PAWR: variants seen among roughly 807,000 people sequenced by gnomAD.
PAWR encodes pro-apoptotic WT1 regulator, also known as PRKC apoptosis WT1 regulator protein.
A neutral mutation model predicts 32.0 loss-of-function variants in PAWR; 23 were observed. The ratio of observed to expected loss-of-function variants is 0.72; its 90% confidence interval spans 0.52 to 1.02. The LOEUF is 1.02. Ranked by LOEUF, PAWR falls within the 50% of genes least tolerant of loss-of-function variation. The pLI is 0.00. For synonymous variants in PAWR, 226 were observed against 187.1 expected, an observed-to-expected ratio of 1.21 and a Z score of -1.70; for missense variants, 457 against 437.7, an observed-to-expected ratio of 1.04 and a Z score of -0.39.
intron 2 of PAWR, among the ~76,000 whole-genome samples, chr12:79,662,201 CAAA>C (rs57565065): frequency 1.1e-3 from 48 of 45,710 alleles, no homozygotes; most frequent in South Asian, 5.8e-3. Context: ...AGACATCTCT[CAAA>C]AAAAAAAAAA....
chr12:79,663,988 T>C (rs1877474523), intron 2 of PAWR, among the ~76,000 whole-genome samples: 2 of 152,132 alleles, frequency 1.3e-5, no homozygotes, highest in Non-Finnish European at 2.9e-5. Flanking sequence ...GGAAAAGTAC[T>C]GAGTATTGGC....
chr12:79,666,559 G>A lies in PAWR; in HGVS notation c.516+23170C>T, dbSNP rs188822813. 3.0e-4 allele frequency among the ~76,000 whole-genome samples: 46 copies of A among 152,282 alleles called. 1 individual carries two copies. The highest frequency in any genetic ancestry group is 4.4e-5 in the Non-Finnish European group (3 of 68,020). On this transcript the variant is annotated intron_variant, in intron 2 of 6. Coordinates refer to ENST00000328827, the MANE Select transcript of PAWR (RefSeq NM_002583.4). ...ATGAGTGTACACAAAGTTTCCAACG[G>A]TTACATGATATGTAATATTACAACA...
chr12:79,648,152 T>C (rs73136670), intron 2 of PAWR, among the ~76,000 whole-genome samples: 6 of 152,304 alleles, frequency 3.9e-5, no homozygotes, highest in Non-Finnish European at 8.8e-5. Flanking sequence ...GCGACCCCTG[T>C]TCTAACATTC....
At chr12:79,644,183 A>G (rs1202928409) in intron 2 of PAWR, among the ~76,000 whole-genome samples, 2 of 152,182 alleles carry the variant, frequency 1.3e-5, no homozygotes, top group Non-Finnish European at 2.9e-5. Context: ...TTTATTTTAA[A>G]AGGACCCAAA....
chr12:79,667,213 TTAA>T (rs1877652396), intron 2 of PAWR, among the ~76,000 whole-genome samples: 1 of 152,236 alleles, frequency 6.6e-6, no homozygotes, highest in Non-Finnish European at 1.5e-5. Flanking sequence ...GTCTCAGATA[TTAA>T]TATTTTGAGT....
intron 4 of PAWR, among the ~76,000 whole-genome samples, chr12:79,611,930 G>T (rs1308671273): frequency 6.6e-6 from 1 of 152,006 alleles, no homozygotes; most frequent in Non-Finnish European, 1.5e-5. Flanking sequence ...TCTAATTAAA[G>T]AACACAAATT....
chr12:79,690,835 G>C (rs1878986460), intron 1 of PAWR, 37 bp downstream of exon 1: 1 of 152,262 alleles, frequency 6.6e-6, no homozygotes, highest in South Asian at 2.1e-4. Context: ...CTGTCCCGCC[G>C]AGCGTGGAAA....
intron 4 of PAWR, among the ~76,000 whole-genome samples, chr12:79,610,693 A>C (rs1045950265): frequency 6.6e-6 from 1 of 151,286 alleles, no homozygotes; most frequent in African/African-American, 2.4e-5. Context: ...TGGGAGGCAG[A>C]GTTGGGAGGA....
At position 79,689,865 on chromosome 12, in the gene PAWR, T is replaced by A. The variant is rs780694800; in HGVS notation, c.380A>T (p.Glu127Val). ...CTCTGGGACGCCGTCCGGCTCCTCC[T>A]CGTCACGCTGGGGCGGCGGTGCAGC... ...ASAAPPPQRD[E>V]EEPDGVPEKG... is the part of the protein sequence containing the mutation. The change falls in exon 2 of 7, where the codon GAG (glutamate) becomes GTG (valine). Residue 127 changes from glutamate (E) to valine (V), a missense_variant. Physicochemically the swap from Glu to Val is moderately radical, Grantham distance 121. Transcript: ENST00000328827. 6.4e-7 allele frequency: 1 copy of A among 1,572,610 alleles called. No homozygotes were observed. The highest frequency in any genetic ancestry group is 1.8e-5 in the Admixed American group (1 of 55,538).
At chr12:79,619,688 C>T (rs1460225878) in intron 3 of PAWR, among the ~76,000 whole-genome samples, 1 of 152,116 alleles carries the variant, frequency 6.6e-6, no homozygotes, top group Non-Finnish European at 1.5e-5. Context: ...TTAAAAGTTT[C>T]AAAGACTACG....
At chr12:79,650,294 T>C (rs979503204) in intron 2 of PAWR, among the ~76,000 whole-genome samples, 4 of 152,102 alleles carry the variant, frequency 2.6e-5, no homozygotes, top group Non-Finnish European at 4.4e-5. Flanking sequence ...TCTTGCAATA[T>C]CTGCTGAGCT....
intron 2 of PAWR, among the ~76,000 whole-genome samples, chr12:79,630,315 A>ATT (rs60905491): frequency 4.0e-5 from 6 of 150,922 alleles, no homozygotes; most frequent in Admixed American, 6.6e-5. Flanking sequence ...ATATATATAT[A>ATT]TTTTTTTTGA....
At position 79,626,637 on chromosome 12, in the gene PAWR, G is replaced by C. The variant is rs540395499; in HGVS notation, c.517-5430C>G. On this transcript the variant is annotated intron_variant, in intron 2 of 6. Coordinates refer to ENST00000328827, the MANE Select transcript of PAWR (RefSeq NM_002583.4). ...TAAGTTTTAGGGTACATGTGCACAAGGTGCAGGTTTGTTACATATATATAC... is the reference window on the plus strand; with the variant it reads ...TAAGTTTTAGGGTACATGTGCACAACGTGCAGGTTTGTTACATATATATAC... 2.5e-4 allele frequency among the ~76,000 whole-genome samples: 38 copies of C among 150,920 alleles called. 1 individual carries two copies. The highest frequency in any genetic ancestry group is 8.8e-4 in the African/African-American group (36 of 41,000).
intron 4 of PAWR, among the ~76,000 whole-genome samples, chr12:79,606,483 A>T (rs1592495883): frequency 6.6e-6 from 1 of 152,204 alleles, no homozygotes; most frequent in Admixed American, 6.5e-5. Flanking sequence ...GAAACTCTAG[A>T]TGTTGTTAGA....
intron 2 of PAWR, among the ~76,000 whole-genome samples, chr12:79,628,564 A>T (rs1875456250): frequency 6.6e-6 from 1 of 152,148 alleles, no homozygotes; most frequent in Non-Finnish European, 1.5e-5. Context: ...AATGTAGTAA[A>T]ATGTTTCAAA....
At chr12:79,651,502 G>A (rs1876842798) in intron 2 of PAWR, among the ~76,000 whole-genome samples, 1 of 152,116 alleles carries the variant, frequency 6.6e-6, no homozygotes, top group Non-Finnish European at 1.5e-5. Flanking sequence ...TGCCTCATCA[G>A]GTATTTCAGT....
chr12:79,600,648 CTTTTTT>C (rs1025749975), intron 4 of PAWR, among the ~76,000 whole-genome samples: 9 of 102,358 alleles, frequency 8.8e-5, no homozygotes, highest in African/African-American at 3.6e-4. Flanking sequence ...CCATACCTGG[CTTTTTT>C]TTTTTTTTTT....
rs190664869 is a variant in PAWR at position 79,631,231 on chromosome 12, C to T, written c.517-10024G>A. On this transcript the variant is annotated intron_variant, in intron 2 of 6. Transcript: ENST00000328827. ...GTGGTAAAAGAAATCAATCTTTTCC[C>T]CTGGGACCAAGAATCAGGTAAGATG... 1.6e-3 allele frequency among the ~76,000 whole-genome samples: 240 copies of T among 152,220 alleles called. 1 individual carries two copies. Among genetic ancestry groups the T allele is most frequent in the African/African-American group, 5.5e-3 (227 of 41,536 alleles).
intron 2 of PAWR, among the ~76,000 whole-genome samples, chr12:79,678,589 A>T (rs887801519): frequency 2.6e-5 from 4 of 152,254 alleles, no homozygotes; most frequent in African/African-American, 7.2e-5. Context: ...TGATAAAAAT[A>T]AAAACCTACC....
Sources: allele counts gnomAD v4.1 joint callset (sites outside exome capture counted in the v4.1 genomes callset), GRCh38; gene constraint gnomAD v4.1.1; transcripts MANE v1.5; gene names NCBI Gene and HGNC (gene_info 2026-07-23, HGNC 2026-07-21).